Variants in SNX8 observed in about 807,000 individuals in gnomAD.
SNX8 encodes the protein sorting nexin-8.
SNX8 carries 25 observed loss-of-function variants against 51.6 expected under a neutral mutation model. The ratio of observed to expected loss-of-function variants is 0.48; its 90% confidence interval spans 0.35 to 0.68. The LOEUF (loss-of-function observed/expected upper bound fraction) is 0.68. Ranked by LOEUF, SNX8 falls within the 30% of genes least tolerant of loss-of-function variation. The probability of loss-of-function intolerance (pLI) is 0.00; values close to 1 mark genes in which losing one functional copy is unlikely to be tolerated. For missense variants in SNX8, 695 were observed against 624.0 expected (o/e 1.11, Z -1.21); for synonymous variants, 324 against 277.0 (o/e 1.17, Z -1.68).
chr7:2,314,051 T>A (rs1216380488), intron 1 of SNX8, among the ~76,000 whole-genome samples: 3 of 152,044 alleles, frequency 2.0e-5, no homozygotes, highest in African/African-American at 7.2e-5. Flanking sequence ...GGAAAGCGCC[T>A]CGGAACGCGG....
At chr7:2,287,472 G>C (rs958946315) in intron 1 of SNX8, among the ~76,000 whole-genome samples, 1 of 151,534 alleles carries the variant, frequency 6.6e-6, no homozygotes, top group Non-Finnish European at 1.5e-5. Context: ...CCAGCTACTA[G>C]GGAGGCTGAG....
Position 2,263,257 on chromosome 7 carries a change from C to T in SNX8, c.888G>A (p.Ala296=), listed in dbSNP as rs145067811. The T allele has an allele frequency of 3.6e-4, 589 of 1,613,920 alleles. No homozygotes were observed. Among genetic ancestry groups the T allele is most frequent in the Middle Eastern group, 4.9e-4 (3 of 6,062 alleles). The part of the protein sequence containing the change: ...QALKGLSVEF[A]LLADKAAQQG... ...GTTGTGCAGCCTTGTCGGCGAGCAG[C>T]GCGAATTCCACAGACAGGCCTTTCA... Residue 296 remains alanine (A), a synonymous_variant, in exon 7 of 11, where the codon GCG becomes GCA. Transcript: ENST00000222990.
Position 2,254,807 on chromosome 7 carries a change from C to T in SNX8, c.*249G>A. On this transcript the variant is annotated 3_prime_UTR_variant, in exon 11 of 11. Coordinates refer to ENST00000222990, the MANE Select transcript of SNX8 (RefSeq NM_013321.4). ...ACAGCTCTGGGTGTCAGGAGGAAACCATTCCAGAGAACCCCACCACCTCTC... is the reference window on the plus strand; with the variant it reads ...ACAGCTCTGGGTGTCAGGAGGAAACTATTCCAGAGAACCCCACCACCTCTC... 1 of 562,666 alleles carries T rather than the reference C, an allele frequency of 1.8e-6. No individual in the cohort carries two copies. The highest frequency in any genetic ancestry group is 3.2e-6 in the Non-Finnish European group (1 of 314,402). 34.9% of individuals were successfully genotyped at this position (562,666 alleles called of 1,614,324 possible).
intron 1 of SNX8, among the ~76,000 whole-genome samples, chr7:2,331,610 CAGG>C (rs1778737562): frequency 6.6e-6 from 1 of 151,644 alleles, no homozygotes; most frequent in African/African-American, 2.4e-5. Flanking sequence ...GAGGCTGAGG[CAGG>C]AGAATGGTGT....
At chr7:2,334,916 C>T (rs1778799117) in intron 1 of SNX8, among the ~76,000 whole-genome samples, 1 of 134,574 alleles carries the variant, frequency 7.4e-6, no homozygotes, top group Admixed American at 7.9e-5. Flanking sequence ...CAAGTATTTA[C>T]ACAGCAACTT....
Position 2,271,903 on chromosome 7 carries a change from G to T in SNX8, c.487C>A (p.Pro163Thr), listed in dbSNP as rs1282806476. 6.2e-7 allele frequency: 1 copy of T among 1,613,904 alleles called. No homozygotes were observed. Among genetic ancestry groups the T allele is most frequent in the Non-Finnish European group, 8.5e-7 (1 of 1,179,950 alleles). Residue 163 changes from proline to threonine, a missense_variant, in exon 4 of 11, where the codon CCC becomes ACC. By Grantham distance (38) the Pro-to-Thr change is conservative (BLOSUM62 -1). Transcript: ENST00000222990. ...AGGACCACATCCTCGGAGAACAGGG[G>T]GTGTCGCGCCACCAGGTTGACGAAG... ...KRFVNLVARH[P>T]LFSEDVVLKL...
chr7:2,337,185 C>A (rs755371901), intron 1 of SNX8: 3 of 151,964 alleles, frequency 2.0e-5, no homozygotes, highest in East Asian at 3.9e-4. Context: ...CCCGGTGTGA[C>A]GGGTCATGCC....
At chr7:2,324,131 A>T (rs543986804) in intron 1 of SNX8, among the ~76,000 whole-genome samples, 4 of 151,904 alleles carry the variant, frequency 2.6e-5, no homozygotes, top group Admixed American at 2.0e-4. Context: ...CAAAAAAAAA[A>T]GAATTTATAA....
At position 2,349,618 on chromosome 7, in the gene SNX8, G is replaced by A. The variant is rs184635139; in HGVS notation, c.-66+4604C>T. Among the ~76,000 whole-genome samples, 476 of 151,692 alleles carry A rather than the reference G, an allele frequency of 3.1e-3. 2 individuals carry two copies. Among genetic ancestry groups the A allele is most frequent in the African/African-American group, 0.011 (453 of 41,394 alleles). ...CGCCCCCACACACAACTAATTTTTT[G>A]TAAAGATGAGATTTCACCATGTTGT... On this transcript the variant is annotated intron_variant, in intron 1 of 5. Coordinates refer to the SNX8 transcript ENST00000435336.
In SNX8 at chr7:2,252,711, GCTCTCCTCACCCCTGCCCTCTTGCT is replaced by G. The variant is rs564701450; in HGVS notation, c.*2320_*2344del. 3,314 of 119,038 alleles carry G rather than the reference GCTCTCCTCACCCCTGCCCTCTTGCT, an allele frequency of 0.028. 58 individuals are homozygous for G. The highest frequency in any genetic ancestry group is 0.036 in the Non-Finnish European group (2,045 of 57,308). 7.4% of individuals were successfully genotyped at this position (119,038 alleles called of 1,614,324 possible). A position where few individuals can be genotyped will look rare whatever the true frequency, so the allele number is the denominator to read the frequency against. ...CCTGCCTTCCCACCCCTGCCCTCTT[GCTCTCCTCACCCCTGCCCTCTTGCT>G]CTCTCCTCACCCCTGCCCTCCTGCT... On this transcript the variant is annotated 3_prime_UTR_variant, in exon 11 of 11. Transcript: ENST00000222990.
At chr7:2,300,665 A>T (rs567643777) in intron 1 of SNX8, among the ~76,000 whole-genome samples, 3 of 151,702 alleles carry the variant, frequency 2.0e-5, no homozygotes, top group African/African-American at 7.3e-5. Context: ...TTATTGAGAC[A>T]GAGTTTCATT....
chr7:2,303,715 G>C (rs1796472294), intron 1 of SNX8, among the ~76,000 whole-genome samples: 1 of 152,132 alleles, frequency 6.6e-6, no homozygotes, highest in Non-Finnish European at 1.5e-5. Flanking sequence ...TGGATTAAGG[G>C]CGGTGCAAGA....
chr7:2,291,877 G>T (rs904403772), intron 1 of SNX8, among the ~76,000 whole-genome samples: 2 of 152,220 alleles, frequency 1.3e-5, no homozygotes, highest in Non-Finnish European at 2.9e-5. Flanking sequence ...TTAGAGAGCT[G>T]TGGCTTCCCA....
At chr7:2,303,145 GGAGGT>G (rs1796448343) in intron 1 of SNX8, among the ~76,000 whole-genome samples, 1 of 149,180 alleles carries the variant, frequency 6.7e-6, no homozygotes, top group African/African-American at 2.5e-5. Flanking sequence ...GCCCCGTCCG[GGAGGT>G]GAGGAGTGCC....
chr7:2,348,070 A>C (rs976022046), intron 1 of SNX8, among the ~76,000 whole-genome samples: 2 of 152,170 alleles, frequency 1.3e-5, no homozygotes, highest in Non-Finnish European at 2.9e-5. Context: ...TGCTGGAGAG[A>C]AAGCTGCTTT....
intron 1 of SNX8, among the ~76,000 whole-genome samples, chr7:2,303,726 T>A (rs990200494): frequency 1.3e-5 from 2 of 152,132 alleles, no homozygotes; most frequent in Admixed American, 6.6e-5. Context: ...CGGTGCAAGA[T>A]ATGCTTTGTT....
At chr7:2,274,110 T>C (rs959415841) in intron 3 of SNX8, among the ~76,000 whole-genome samples, 1 of 152,198 alleles carries the variant, frequency 6.6e-6, no homozygotes, top group Non-Finnish European at 1.5e-5. Flanking sequence ...TGAGCCAGCA[T>C]CACACATCCC....
In SNX8 at chr7:2,259,487, C is replaced by T. The variant is rs567198242; in HGVS notation, c.916-1684G>A. On this transcript the variant is annotated intron_variant, in intron 7 of 10. Coordinates refer to ENST00000222990, the MANE Select transcript of SNX8 (RefSeq NM_013321.4). Reference sequence around the variant, plus strand: ...ACGGGGCAGGCAGAAGTGGATGGAACGAGTTTTACGGGACACAGCCCTGGA... The same window carrying T: ...ACGGGGCAGGCAGAAGTGGATGGAATGAGTTTTACGGGACACAGCCCTGGA... Among the ~76,000 whole-genome samples, 11 of 152,278 alleles carry T rather than the reference C, an allele frequency of 7.2e-5. 1 individual carries two copies. In the South Asian group the frequency reaches 2.3e-3, roughly 32 times the overall value.
chr7:2,265,584 G>A (rs778473155), intron 5 of SNX8, among the ~76,000 whole-genome samples: 1 of 152,008 alleles, frequency 6.6e-6, no homozygotes, highest in African/African-American at 2.4e-5. Context: ...GTTCCATGCT[G>A]CAAGGAGCCA....
Sources: gnomAD v4.1 joint callset for allele counts (sites outside exome capture counted in the v4.1 genomes callset) on GRCh38, gnomAD v4.1.1 for gene constraint, MANE v1.5 for transcripts, NCBI Gene and HGNC (gene_info 2026-07-23, HGNC 2026-07-21) for gene names.